ARFGEF3: variants seen among roughly 807,000 people sequenced by gnomAD.
ARFGEF3 encodes the protein brefeldin A-inhibited guanine nucleotide-exchange protein 3.
In ARFGEF3, 96 loss-of-function variants were observed where a neutral mutation model predicts 221.7. The observed-to-expected ratio is 0.43, with a 90% CI of 0.37 to 0.51. ARFGEF3 has a LOEUF of 0.51. ARFGEF3 is among the 20% of genes least tolerant of loss of function. The probability of loss-of-function intolerance (pLI) is 0.00; values close to 1 mark genes in which losing one functional copy is unlikely to be tolerated. For synonymous variants in ARFGEF3, 1,145 were observed against 1,126.8 expected, an observed-to-expected ratio of 1.02 and a Z score of -0.32; for missense variants, 2,410 against 2,789.9, an observed-to-expected ratio of 0.86 and a Z score of 3.07.
intron 2 of ARFGEF3, among the ~76,000 whole-genome samples, chr6:138,171,285 A>G (rs1237382887): frequency 6.6e-6 from 1 of 151,832 alleles, no homozygotes; most frequent in African/African-American, 2.4e-5. Flanking sequence ...AGGGAATGAA[A>G]TCAGTGACCT....
intron 22 of ARFGEF3, among the ~76,000 whole-genome samples, chr6:138,302,228 CAAAAAT>C (rs1430811278): frequency 3.3e-5 from 5 of 151,816 alleles, no homozygotes; most frequent in Non-Finnish European, 7.4e-5. Context: ...GACAATGACT[CAAAAAT>C]AAGGACTCTA....
intron 12 of ARFGEF3, among the ~76,000 whole-genome samples, chr6:138,270,911 TG>T (rs2114604875): frequency 6.6e-6 from 1 of 152,268 alleles, no homozygotes; most frequent in East Asian, 1.9e-4. Flanking sequence ...GCTGAAGTCG[TG>T]CAGGATAATG....
At chr6:138,167,012 A>G (rs1364555808) in intron 1 of ARFGEF3, among the ~76,000 whole-genome samples, 2 of 152,036 alleles carry the variant, frequency 1.3e-5, no homozygotes, top group African/African-American at 4.8e-5. Context: ...CCATCATCCC[A>G]CCAACTCACA....
At chr6:138,279,909 T>C in intron 13 of ARFGEF3, 90 bp from the exon 14 acceptor site, 2 of 1,307,532 alleles carry the variant, frequency 1.5e-6, no homozygotes, top group Non-Finnish European at 1.1e-6. Flanking sequence ...AGTTCAGGGC[T>C]CTGTGACGTG....
chr6:138,209,176 GAC>G (rs1777675681), intron 3 of ARFGEF3, among the ~76,000 whole-genome samples: 1 of 152,108 alleles, frequency 6.6e-6, no homozygotes, highest in Non-Finnish European at 1.5e-5. Flanking sequence ...CTGGATAAAT[GAC>G]AGCTCACATT....
chr6:138,272,588 C>T (rs905738195), intron 12 of ARFGEF3, among the ~76,000 whole-genome samples: 7 of 152,252 alleles, frequency 4.6e-5, no homozygotes, highest in Non-Finnish European at 1.0e-4. Context: ...GGTGTTATCA[C>T]AGATTATTTT....
intron 32 of ARFGEF3, among the ~76,000 whole-genome samples, chr6:138,333,143 CTG>C (rs764922497): frequency 2.6e-5 from 4 of 152,162 alleles, no homozygotes; most frequent in Non-Finnish European, 5.9e-5. Flanking sequence ...AGAAATGAAA[CTG>C]TAAACCAAAA....
chr6:138,306,219 A>G (rs1000947941), intron 22 of ARFGEF3, among the ~76,000 whole-genome samples: 1 of 152,218 alleles, frequency 6.6e-6, no homozygotes, highest in Non-Finnish European at 1.5e-5. Flanking sequence ...CATTCATAAC[A>G]TCAAATATGA....
At chr6:138,176,927 T>A (rs1776961792) in intron 2 of ARFGEF3, among the ~76,000 whole-genome samples, 1 of 152,058 alleles carries the variant, frequency 6.6e-6, no homozygotes, top group Non-Finnish European at 1.5e-5. Flanking sequence ...TTCAGCATTT[T>A]GAAAATGTCA....
chr6:138,312,269 G>A (rs375546128), intron 25 of ARFGEF3, among the ~76,000 whole-genome samples: 7 of 152,186 alleles, frequency 4.6e-5, no homozygotes, highest in African/African-American at 7.2e-5. Flanking sequence ...CCCTGAGGCC[G>A]TTTGTCTCTA....
chr6:138,234,269 C>T (rs1417781568), intron 5 of ARFGEF3, among the ~76,000 whole-genome samples: 1 of 152,142 alleles, frequency 6.6e-6, no homozygotes, highest in Admixed American at 6.5e-5. Context: ...TGTCTTAAGC[C>T]ATTTTAATAT....
intron 19 of ARFGEF3, among the ~76,000 whole-genome samples, chr6:138,292,281 G>C (rs759301267): frequency 6.6e-6 from 1 of 152,144 alleles, no homozygotes; most frequent in Non-Finnish European, 1.5e-5. Flanking sequence ...AAAGCGCTGC[G>C]CTTACTCTGG....
chr6:138,248,773 T>A (rs1389867756), intron 8 of ARFGEF3, among the ~76,000 whole-genome samples: 2 of 152,062 alleles, frequency 1.3e-5, no homozygotes, highest in African/African-American at 4.8e-5. Flanking sequence ...TTGCATGAGC[T>A]GAGACTGCGC....
At position 138,253,910 on chromosome 6, in the gene ARFGEF3, G is replaced by A. The variant is rs1418191107; in HGVS notation, c.696G>A (p.Leu232=). 3.1e-6 allele frequency: 5 copies of A among 1,592,656 alleles called. No individual in the cohort carries two copies. Among genetic ancestry groups the A allele is most frequent in the African/African-American group, 1.3e-5 (1 of 74,488 alleles). The change falls in exon 9 of 34, where the codon CTG becomes CTA. Residue 232 remains leucine (L), a synonymous_variant. Coordinates refer to ENST00000251691, the MANE Select transcript of ARFGEF3 (RefSeq NM_020340.5). ...NDSQQLQLLY[L]ECILSVLSSS... The stretch of plus-strand genomic sequence containing the variant: ...GCCAGCAGCTGCAGCTTCTCTACCT[G>A]GAGTGCATCCTGTCTGTGCTCAGCA...
At chr6:138,275,798 G>A (rs1234248235) in intron 12 of ARFGEF3, among the ~76,000 whole-genome samples, 1 of 151,514 alleles carries the variant, frequency 6.6e-6, no homozygotes, top group Non-Finnish European at 1.5e-5. Flanking sequence ...AAACATTCTA[G>A]CTGTAAATTT....
At position 138,334,603 on chromosome 6, in the gene ARFGEF3, C is replaced by T. The variant is rs367803580; in HGVS notation, c.5757C>T (p.His1919=). The change falls in exon 33 of 34, where the codon CAC becomes CAT. Residue 1919 remains histidine (H), a synonymous_variant. Transcript: ENST00000251691. This position sits in a 1 kb window ranked among gnomAD's most constrained non-coding sequence, Gnocchi z 5.1. ...MELCNNYIQM[H]LDLENCMEEP... ...TGTGCAACAACTACATCCAGATGCA[C>T]TTGGACCTGGAGAACTGTATGGAGG... 3.1e-6 allele frequency: 5 copies of T among 1,613,598 alleles called. No homozygotes were observed. The African/African-American group carries it at 5.3e-5, about 17-fold the overall frequency.
chr6:138,323,615 A>AAAAC, intron 29 of ARFGEF3, 56 bp from the exon 30 acceptor site: 4 of 1,558,412 alleles, frequency 2.6e-6, no homozygotes, highest in Non-Finnish European at 3.5e-6. Flanking sequence ...CCATCTGAAA[A>AAAAC]AAACAAACAA....
chr6:138,252,957 T>C (rs1438650030), intron 8 of ARFGEF3, among the ~76,000 whole-genome samples: 1 of 152,234 alleles, frequency 6.6e-6, no homozygotes, highest in Non-Finnish European at 1.5e-5. Flanking sequence ...CTGTCTGTTC[T>C]CTTCATCTGG....
intron 4 of ARFGEF3, chr6:138,218,437 GAAT>G (rs1777917102): frequency 1.4e-6 from 2 of 1,479,412 alleles, no homozygotes; most frequent in Middle Eastern, 3.7e-4. Flanking sequence ...TAGCATAGAA[GAAT>G]AATTTTGTAA....
Sources: allele counts gnomAD v4.1 joint callset (sites outside exome capture counted in the v4.1 genomes callset), GRCh38; gene constraint gnomAD v4.1.1; non-coding constraint Gnocchi (gnomAD v3.1); transcripts MANE v1.5; gene names NCBI Gene and HGNC (gene_info 2026-07-23, HGNC 2026-07-21).